The following CCDC148 variants were observed in gnomAD, a reference collection of about 807,000 sequenced individuals.
The protein encoded by CCDC148 is coiled-coil domain-containing protein 148.
A neutral mutation model predicts 85.7 loss-of-function variants in CCDC148; 89 were observed. That is an observed-to-expected ratio of 1.04 (90% CI 0.87 to 1.24). The LOEUF is 1.24. Among genes scored for constraint, CCDC148 ranks in the 50% most tolerant of loss-of-function variants. The pLI, the probability that CCDC148 is intolerant of heterozygous loss-of-function variation, is 0.00. For synonymous variants in CCDC148, 230 were observed against 213.9 expected, an observed-to-expected ratio of 1.08 and a Z score of -0.66; for missense variants, 692 against 671.7, an observed-to-expected ratio of 1.03 and a Z score of -0.33.
At chr2:158,178,416 C>T (rs1028949328) in intron 12 of CCDC148, among the ~76,000 whole-genome samples, 2 of 152,124 alleles carry the variant, frequency 1.3e-5, no homozygotes, top group African/African-American at 4.8e-5. Context: ...TGATAGGAGG[C>T]TTTTATTTCT....
chr2:158,243,601 T>A (rs1053867126), intron 10 of CCDC148, among the ~76,000 whole-genome samples: 1 of 152,138 alleles, frequency 6.6e-6, no homozygotes, highest in African/African-American at 2.4e-5. Flanking sequence ...TTTGAAAAGA[T>A]CCATGAGAAG....
chr2:158,319,990 C>G (rs983130262), intron 7 of CCDC148, among the ~76,000 whole-genome samples: 5 of 152,200 alleles, frequency 3.3e-5, no homozygotes, highest in Admixed American at 1.3e-4. Flanking sequence ...GAGCCAAAAT[C>G]TGTCTCCATG....
intron 10 of CCDC148, among the ~76,000 whole-genome samples, chr2:158,234,624 A>G (rs956407248): frequency 1.3e-5 from 2 of 152,232 alleles, no homozygotes; most frequent in Non-Finnish European, 2.9e-5. Flanking sequence ...AAAAGGGTGA[A>G]AAATTGGAAA....
At chr2:158,259,491 T>A (rs1689134087) in intron 9 of CCDC148, among the ~76,000 whole-genome samples, 2 of 151,972 alleles carry the variant, frequency 1.3e-5, no homozygotes, top group African/African-American at 4.8e-5. Context: ...AAATGCTATT[T>A]ATGTACCTGG....
At position 158,217,269 on chromosome 2, in the gene CCDC148, T is replaced by C. The variant is rs185227737; in HGVS notation, c.1370+3326A>G. On this transcript the variant is annotated intron_variant, in intron 11 of 13. Transcript: ENST00000283233. ...ACTCAACCATTTTGACCTACAAAAATGGAATTTTATGTGGTTCAACCTATC... is the reference window on the plus strand; with the variant it reads ...ACTCAACCATTTTGACCTACAAAAACGGAATTTTATGTGGTTCAACCTATC... Among the ~76,000 whole-genome samples, 199 of 149,410 alleles carry C rather than the reference T, an allele frequency of 1.3e-3. 1 individual carries two copies. Among genetic ancestry groups the C allele is most frequent in the African/African-American group, 3.8e-3 (156 of 40,888 alleles).
chr2:158,303,671 G>C (rs1691551581), intron 9 of CCDC148, among the ~76,000 whole-genome samples: 1 of 152,104 alleles, frequency 6.6e-6, no homozygotes, highest in Admixed American at 6.5e-5. Context: ...TTTTACTATA[G>C]TGTACTTTAT....
chr2:158,379,891 A>G (rs1684801423), intron 1 of CCDC148, among the ~76,000 whole-genome samples: 1 of 152,158 alleles, frequency 6.6e-6, no homozygotes, highest in African/African-American at 2.4e-5. Context: ...CTTTATTGCA[A>G]TATTAGCTTT....
chr2:158,196,330 T>C (rs77689189), intron 11 of CCDC148, among the ~76,000 whole-genome samples: 12 of 152,274 alleles, frequency 7.9e-5, no homozygotes, highest in African/African-American at 2.6e-4. Context: ...TCTCTTCCCA[T>C]CTCTGTGTTC....
chr2:158,441,615 C>T (rs1431994807), intron 1 of CCDC148, among the ~76,000 whole-genome samples: 3 of 152,110 alleles, frequency 2.0e-5, no homozygotes, highest in Non-Finnish European at 4.4e-5. Context: ...ATGTGACATC[C>T]TATGGCTCAG....
At chr2:158,243,646 C>T (rs1294444718) in intron 10 of CCDC148, among the ~76,000 whole-genome samples, 2 of 152,100 alleles carry the variant, frequency 1.3e-5, no homozygotes, top group Non-Finnish European at 2.9e-5. Context: ...TTTTATATAA[C>T]TAAATACTCT....
intron 9 of CCDC148, 35 bp from the exon 10 acceptor site, chr2:158,250,947 A>G (rs751835596): frequency 1.3e-6 from 2 of 1,573,414 alleles, no homozygotes; most frequent in Non-Finnish European, 8.6e-7. Flanking sequence ...TCCAGTAACT[A>G]TGCACACTGA....
chr2:158,445,066 CTT>C (rs1235973314), intron 1 of CCDC148, among the ~76,000 whole-genome samples: 1 of 151,816 alleles, frequency 6.6e-6, no homozygotes, highest in Admixed American at 6.6e-5. Context: ...ACAGTTCACA[CTT>C]TTTTTAAGTT....
intron 1 of CCDC148, among the ~76,000 whole-genome samples, chr2:158,374,356 G>T (rs541258561): frequency 6.6e-6 from 1 of 152,066 alleles, no homozygotes; most frequent in East Asian, 1.9e-4. Flanking sequence ...CCAAGAGCTT[G>T]GGGTTAAGAA....
In CCDC148 at chr2:158,273,157, C is replaced by A. The variant is rs188330454; in HGVS notation, c.1111-22245G>T. On this transcript the variant is annotated intron_variant, in intron 9 of 13. Coordinates refer to ENST00000283233, the MANE Select transcript of CCDC148 (RefSeq NM_138803.4). Reference sequence around the variant, plus strand: ...TATGATTTAGATGAACATTTTATAACAATCAGAGGAAAATTTTGATAGGAG... The same window carrying A: ...TATGATTTAGATGAACATTTTATAAAAATCAGAGGAAAATTTTGATAGGAG... 1.9e-3 allele frequency among the ~76,000 whole-genome samples: 288 copies of A among 152,154 alleles called. 1 individual carries two copies. Among genetic ancestry groups the A allele is most frequent in the Non-Finnish European group, 2.9e-3 (195 of 68,000 alleles).
intron 7 of CCDC148, among the ~76,000 whole-genome samples, chr2:158,318,330 G>A (rs180796644): frequency 6.6e-6 from 1 of 152,188 alleles, no homozygotes; most frequent in Admixed American, 6.5e-5. Context: ...TTAGCTGGAA[G>A]GTGACAACCA....
At chr2:158,292,041 C>T (rs1235461266) in intron 9 of CCDC148, among the ~76,000 whole-genome samples, 2 of 152,042 alleles carry the variant, frequency 1.3e-5, no homozygotes, top group Admixed American at 6.6e-5. Context: ...AAAGTTGATT[C>T]TCTTTATTAT....
intron 1 of CCDC148, among the ~76,000 whole-genome samples, chr2:158,456,136 T>C (rs1688693457): frequency 6.6e-6 from 1 of 152,222 alleles, no homozygotes; most frequent in Non-Finnish European, 1.5e-5. Flanking sequence ...ACAGGGAGAT[T>C]AGAGGTTTGC....
chr2:158,272,331 T>C lies in CCDC148; in HGVS notation c.1111-21419A>G, dbSNP rs142071541. 4.0e-3 allele frequency among the ~76,000 whole-genome samples: 607 copies of C among 152,216 alleles called. 3 individuals carry two copies. The highest frequency in any genetic ancestry group is 0.013 in the African/African-American group (535 of 41,558). On this transcript the variant is annotated intron_variant, in intron 9 of 13. Transcript: ENST00000283233. ...GAGTCCTAAATGCACACTGGTCTCA[T>C]TGATGGAGAAGAAGGGTACAGTAAT...
chr2:158,281,425 T>TA (rs1292849381), intron 9 of CCDC148, among the ~76,000 whole-genome samples: 1 of 151,734 alleles, frequency 6.6e-6, no homozygotes, highest in African/African-American at 2.4e-5. Context: ...ATAGACGCAA[T>TA]AAAAAATGAT....
Sources: gnomAD v4.1 joint callset for allele counts (sites outside exome capture counted in the v4.1 genomes callset) on GRCh38, gnomAD v4.1.1 for gene constraint, MANE v1.5 for transcripts, NCBI Gene and HGNC (gene_info 2026-07-23, HGNC 2026-07-21) for gene names.